COL25A1: variants seen among roughly 807,000 people sequenced by gnomAD.
COL25A1 encodes the protein collagen alpha-1(XXV) chain.
In COL25A1, 103 loss-of-function variants were observed where a neutral mutation model predicts 128.4. The ratio of observed to expected loss-of-function variants is 0.80; its 90% confidence interval spans 0.68 to 0.94. The LOEUF is 0.94. Ranked by LOEUF, COL25A1 falls within the 40% of genes least tolerant of loss-of-function variation. The pLI is 0.00. For missense variants in COL25A1, 745 were observed against 840.0 expected (o/e 0.89, Z 1.40); for synonymous variants, 279 against 277.2 (o/e 1.01, Z -0.06).
intron 6 of COL25A1, among the ~76,000 whole-genome samples, chr4:108,995,297 A>G (rs987174147): frequency 3.9e-5 from 6 of 152,246 alleles, no homozygotes; most frequent in Admixed American, 2.0e-4. Context: ...GCTGAAAACC[A>G]TGGCACAAGA....
At chr4:109,073,222 C>T (rs1763124588) in intron 3 of COL25A1, among the ~76,000 whole-genome samples, 2 of 152,062 alleles carry the variant, frequency 1.3e-5, no homozygotes, top group Non-Finnish European at 2.9e-5. Flanking sequence ...GAAACCAAGA[C>T]CTTGGCCTCT....
chr4:108,936,442 C>A (rs978951036), intron 11 of COL25A1, among the ~76,000 whole-genome samples: 8 of 152,118 alleles, frequency 5.3e-5, no homozygotes, highest in Non-Finnish European at 1.2e-4. Context: ...TGGCACACAC[C>A]TGTAGTGCCA....
chr4:108,817,315 G>A, intron 37 of COL25A1, 82 bp downstream of exon 37: 1 of 1,248,086 alleles, frequency 8.0e-7, no homozygotes. Flanking sequence ...ATATCCGAAG[G>A]TCTTTTCTGA....
intron 3 of COL25A1, among the ~76,000 whole-genome samples, chr4:109,287,989 A>G (rs1050591392): frequency 2.0e-5 from 3 of 152,010 alleles, no homozygotes; most frequent in Admixed American, 6.6e-5. Context: ...TGCATGAGTA[A>G]GATGGGAACT....
Position 109,150,091 on chromosome 4 carries a change from ATG to A in COL25A1, c.368-99914_368-99913del, listed in dbSNP as rs141897068. Among the ~76,000 whole-genome samples the A allele has an allele frequency of 1.5e-4, 22 of 150,640 alleles. 1 individual carries two copies. In the South Asian group the frequency reaches 3.6e-3, roughly 24 times the overall value. ...TGTGTATGTGTGTTTGTATGTCTGT[ATG>A]TGTGTGTGTGTGAACATGTGATAGT... On this transcript the variant is annotated intron_variant, in intron 3 of 37. Coordinates refer to ENST00000399132, the MANE Select transcript of COL25A1 (RefSeq NM_198721.4).
intron 10 of COL25A1, among the ~76,000 whole-genome samples, chr4:108,938,056 T>G (rs1747649102): frequency 6.6e-6 from 1 of 152,218 alleles, no homozygotes; most frequent in South Asian, 2.1e-4. Flanking sequence ...TAGATTATCA[T>G]GTCTTCTTTA....
At chr4:109,028,260 C>T (rs1021061964) in intron 5 of COL25A1, among the ~76,000 whole-genome samples, 11 of 152,116 alleles carry the variant, frequency 7.2e-5, no homozygotes, top group Admixed American at 4.6e-4. Flanking sequence ...AGCCACGTAC[C>T]ACCACACTCA....
intron 6 of COL25A1, among the ~76,000 whole-genome samples, chr4:108,983,578 A>G (rs1362874756): frequency 3.3e-5 from 5 of 152,188 alleles, no homozygotes; most frequent in South Asian, 2.1e-4. Flanking sequence ...ACTGACTTCA[A>G]GAATGAAGCC....
At chr4:109,144,757 T>G (rs1356186880) in intron 3 of COL25A1, among the ~76,000 whole-genome samples, 1 of 152,170 alleles carries the variant, frequency 6.6e-6, no homozygotes, top group Non-Finnish European at 1.5e-5. Flanking sequence ...GACACAATTG[T>G]GTAAGTATTC....
chr4:109,226,240 A>AG (rs1778797363), intron 3 of COL25A1, among the ~76,000 whole-genome samples: 1 of 152,078 alleles, frequency 6.6e-6, no homozygotes, highest in Admixed American at 6.6e-5. Context: ...GGGAGGTAGG[A>AG]GGGGGGTGAG....
At chr4:109,032,811 G>T (rs2125917164) in intron 5 of COL25A1, among the ~76,000 whole-genome samples, 1 of 152,308 alleles carries the variant, frequency 6.6e-6, no homozygotes, top group East Asian at 1.9e-4. Flanking sequence ...TAACTGCTGA[G>T]GGATGAAAGA....
chr4:108,895,041 A>T (rs1741967113), intron 16 of COL25A1, among the ~76,000 whole-genome samples: 3 of 152,182 alleles, frequency 2.0e-5, no homozygotes, highest in African/African-American at 4.8e-5. Flanking sequence ...ACAGAGAATT[A>T]TCTGGCCCCA....
At chr4:109,035,401 T>C (rs187395592) in intron 5 of COL25A1, among the ~76,000 whole-genome samples, 24 of 152,294 alleles carry the variant, frequency 1.6e-4, no homozygotes, top group African/African-American at 5.8e-4. Flanking sequence ...GAGCAATAGT[T>C]TGAGCTCCTG....
intron 5 of COL25A1, among the ~76,000 whole-genome samples, chr4:109,028,816 G>T (rs1007050147): frequency 3.3e-5 from 5 of 152,210 alleles, no homozygotes; most frequent in Non-Finnish European, 7.3e-5. Context: ...GGAGCACCTT[G>T]AAAGAGTGAT....
In COL25A1 at chr4:108,810,198, A is replaced by T. The variant is rs1198119618; in HGVS notation, c.*3729T>A. ...ATGCTTCAATAGTAACATTAAAAAA[A>T]AAAACCCTTGGAAATTAAGCACATT... is the stretch of plus-strand genomic sequence containing the variant. On this transcript the variant is annotated 3_prime_UTR_variant, in exon 38 of 38. Coordinates refer to ENST00000399132, the MANE Select transcript of COL25A1 (RefSeq NM_198721.4). 6.6e-6 allele frequency: 1 copy of T among 151,932 alleles called. No individual in the cohort carries two copies. The highest frequency in any genetic ancestry group is 6.6e-5 in the Admixed American group (1 of 15,260). The allele number at this position is 151,932 out of a possible 1,614,324, so 9.4% of individuals were successfully genotyped here.
At chr4:109,044,115 G>GTA (rs1301371890) in intron 5 of COL25A1, among the ~76,000 whole-genome samples, 1 of 146,954 alleles carries the variant, frequency 6.8e-6, no homozygotes. Context: ...GTGTGTGTGT[G>GTA]TATGTATGTA....
At chr4:109,076,375 A>T (rs1487862727) in intron 3 of COL25A1, among the ~76,000 whole-genome samples, 1 of 152,042 alleles carries the variant, frequency 6.6e-6, no homozygotes, top group Non-Finnish European at 1.5e-5. Flanking sequence ...ACTTTTATTA[A>T]CCCTAGTAGC....
At chr4:108,916,892 G>T (rs1232842886) in intron 13 of COL25A1, among the ~76,000 whole-genome samples, 1 of 152,150 alleles carries the variant, frequency 6.6e-6, no homozygotes, top group African/African-American at 2.4e-5. Flanking sequence ...ATAAGCTTTG[G>T]CTGAGAACAT....
At chr4:109,287,420 T>TA (rs1723996411) in intron 3 of COL25A1, among the ~76,000 whole-genome samples, 1 of 152,208 alleles carries the variant, frequency 6.6e-6, no homozygotes, top group African/African-American at 2.4e-5. Context: ...GCTATATACA[T>TA]GACCTTTCAC....
Sources: allele counts gnomAD v4.1 joint callset (sites outside exome capture counted in the v4.1 genomes callset), GRCh38; gene constraint gnomAD v4.1.1; transcripts MANE v1.5; gene names NCBI Gene and HGNC (gene_info 2026-07-23, HGNC 2026-07-21).